The following TRAK1 variants were observed in gnomAD, a reference collection of about 807,000 sequenced individuals.
TRAK1 encodes the protein trafficking kinesin protein 1.
TRAK1 carries 33 observed loss-of-function variants against 92.1 expected under a neutral mutation model. The observed-to-expected ratio is 0.36, with a 90% CI of 0.27 to 0.48. The LOEUF is 0.48. TRAK1 is among the 20% of genes least tolerant of loss of function. The pLI is 0.99. For missense variants in TRAK1, 1,123 were observed against 1,257.9 expected, an observed-to-expected ratio of 0.89 and a Z score of 1.62; for synonymous variants, 521 against 517.3, an observed-to-expected ratio of 1.01 and a Z score of -0.10.
At chr3:42,157,768 G>T (rs1187481670) in intron 2 of TRAK1, among the ~76,000 whole-genome samples, 1 of 152,092 alleles carries the variant, frequency 6.6e-6, no homozygotes, top group African/African-American at 2.4e-5. Context: ...CATGATCTTG[G>T]ATTTCTTTTG....
At chr3:42,113,873 G>C (rs771058916) in intron 1 of TRAK1, among the ~76,000 whole-genome samples, 1 of 152,300 alleles carries the variant, frequency 6.6e-6, no homozygotes, top group Non-Finnish European at 1.5e-5. Flanking sequence ...ATTTTAACGG[G>C]TATAGTTCAG....
intron 1 of TRAK1, among the ~76,000 whole-genome samples, chr3:42,015,774 T>C (rs1407993974): frequency 2.0e-5 from 3 of 152,164 alleles, no homozygotes; most frequent in African/African-American, 7.2e-5. Context: ...TGGTGACTTG[T>C]GCGTGTATTC....
chr3:42,185,953 C>A (rs1704758747), intron 4 of TRAK1, among the ~76,000 whole-genome samples: 1 of 144,514 alleles, frequency 6.9e-6, no homozygotes, highest in South Asian at 2.2e-4. Context: ...GGATTACAGG[C>A]ATGAGCCACT....
rs1702589820 is a variant in TRAK1 at position 42,042,561 on chromosome 3, G to A, written c.-519+28444G>A. 2.6e-5 allele frequency among the ~76,000 whole-genome samples: 4 copies of A among 151,886 alleles called. No homozygotes were observed. In the South Asian group the frequency reaches 8.4e-4, roughly 32 times the overall value. ...TAATTTTTGTATTTTTGTAGAGATG[G>A]GGTTTTGCCATGTTGGCCAGGTTGG... On this transcript the variant is annotated intron_variant, in intron 1 of 16. Coordinates refer to the TRAK1 transcript ENST00000487159.
chr3:42,105,957 A>G (rs996019253), intron 1 of TRAK1, among the ~76,000 whole-genome samples: 5 of 152,334 alleles, frequency 3.3e-5, no homozygotes, highest in Admixed American at 3.3e-4. Flanking sequence ...TCCTCTACAG[A>G]CAAACAAATG....
intron 1 of TRAK1, among the ~76,000 whole-genome samples, chr3:42,072,399 C>T (rs949815131): frequency 7.4e-5 from 11 of 147,960 alleles, no homozygotes; most frequent in Non-Finnish European, 1.2e-4. Context: ...CCATTGTAAA[C>T]GAAGGAGGAG....
chr3:42,044,691 G>A (rs771794987), intron 1 of TRAK1, among the ~76,000 whole-genome samples: 3 of 152,212 alleles, frequency 2.0e-5, no homozygotes, highest in Non-Finnish European at 4.4e-5. Flanking sequence ...TCCTCCATCT[G>A]CATGGGGAGA....
At chr3:42,070,264 A>ATAATTATGAATAATAATTATAATTATAT (rs1703875169) in intron 1 of TRAK1, among the ~76,000 whole-genome samples, 1 of 146,952 alleles carries the variant, frequency 6.8e-6, no homozygotes, top group South Asian at 2.1e-4. Context: ...TATAATTATA[A>ATAATTATGAATAATAATTATAATTATAT]TAATTATGAA....
intron 1 of TRAK1, among the ~76,000 whole-genome samples, chr3:42,106,812 T>G (rs1213169725): frequency 6.6e-6 from 1 of 152,212 alleles, no homozygotes; most frequent in African/African-American, 2.4e-5. Flanking sequence ...TTGAAATCTT[T>G]TAATATCCAG....
chr3:42,193,237 A>G, intron 8 of TRAK1, 32 bp downstream of exon 8: 1 of 1,611,838 alleles, frequency 6.2e-7, no homozygotes, highest in East Asian at 2.2e-5. Context: ...GGCTGATACA[A>G]CAATGGCCAT....
intron 2 of TRAK1, among the ~76,000 whole-genome samples, chr3:42,140,322 G>A (rs987636834): frequency 1.3e-5 from 2 of 152,062 alleles, no homozygotes; most frequent in Non-Finnish European, 2.9e-5. Flanking sequence ...GACTGGCAGC[G>A]GCAACATTTT....
intron 1 of TRAK1, among the ~76,000 whole-genome samples, chr3:42,118,088 A>G (rs1207794123): frequency 6.8e-6 from 1 of 146,024 alleles, no homozygotes; most frequent in Non-Finnish European, 1.5e-5. Flanking sequence ...AAAGTGCTGT[A>G]TTTTTATTGT....
chr3:42,201,352 C>T (rs997800740), intron 12 of TRAK1, among the ~76,000 whole-genome samples: 1 of 152,018 alleles, frequency 6.6e-6, no homozygotes, highest in Non-Finnish European at 1.5e-5. Flanking sequence ...CTCAGCTACT[C>T]AGGAGGCTGA....
At chr3:42,073,478 C>G (rs1704022851) in intron 1 of TRAK1, among the ~76,000 whole-genome samples, 1 of 152,210 alleles carries the variant, frequency 6.6e-6, no homozygotes, top group Non-Finnish European at 1.5e-5. Flanking sequence ...GTCACTTAAT[C>G]TTTGCCCAAG....
At chr3:42,135,862 C>G (rs1697888535) in intron 2 of TRAK1, among the ~76,000 whole-genome samples, 1 of 152,214 alleles carries the variant, frequency 6.6e-6, no homozygotes, top group African/African-American at 2.4e-5. Flanking sequence ...CTACGTTTCT[C>G]TCTACTGCCT....
At chr3:42,131,039 T>G (rs558576588) in intron 2 of TRAK1, among the ~76,000 whole-genome samples, 55 of 152,212 alleles carry the variant, frequency 3.6e-4, no homozygotes, top group Non-Finnish European at 6.9e-4. Context: ...AGCAAGCGTT[T>G]ATACGGTTGG....
intron 1 of TRAK1, among the ~76,000 whole-genome samples, chr3:42,060,179 A>G (rs1703369602): frequency 2.6e-5 from 4 of 152,200 alleles, no homozygotes; most frequent in Admixed American, 2.6e-4. Flanking sequence ...TGGAGCTTAC[A>G]TTCTATTTGG....
chr3:42,041,581 C>T (rs920583800), intron 1 of TRAK1, among the ~76,000 whole-genome samples: 1 of 142,332 alleles, frequency 7.0e-6, no homozygotes, highest in Admixed American at 6.8e-5. Context: ...AATTCTTCCT[C>T]CTCAATATGA....
intron 15 of TRAK1, chr3:42,220,724 T>A: frequency 1.9e-6 from 1 of 520,768 alleles, no homozygotes. Context: ...TAACTCGGCC[T>A]TGATGGTCGA....
Sources: allele counts gnomAD v4.1 joint callset (sites outside exome capture counted in the v4.1 genomes callset), GRCh38; gene constraint gnomAD v4.1.1; transcripts MANE v1.5; gene names NCBI Gene and HGNC (gene_info 2026-07-23, HGNC 2026-07-21).